Variants in FAR1 observed in about 807,000 individuals in gnomAD.
The protein encoded by FAR1 is male sterility domain-containing protein 2.
A neutral mutation model predicts 61.1 loss-of-function variants in FAR1; 22 were observed. That is an observed-to-expected ratio of 0.36 (90% CI 0.26 to 0.51). The LOEUF (loss-of-function observed/expected upper bound fraction) is 0.51. Ranked by LOEUF, FAR1 falls within the 20% of genes least tolerant of loss-of-function variation. FAR1 has a pLI of 0.95. For synonymous variants in FAR1, 206 were observed against 209.7 expected, an observed-to-expected ratio of 0.98 and a Z score of 0.15; for missense variants, 359 against 626.9, an observed-to-expected ratio of 0.57 and a Z score of 4.56.
At chr11:13,700,274 G>A in intron 2 of FAR1, 43 bp from the exon 3 acceptor site, 1 of 1,452,672 alleles carries the variant, frequency 6.9e-7, no homozygotes. Flanking sequence ...TTTAGAAAGT[G>A]GAAAAATACT....
chr11:13,684,403 A>G (rs1200637981), intron 1 of FAR1, among the ~76,000 whole-genome samples: 2 of 152,234 alleles, frequency 1.3e-5, no homozygotes, highest in African/African-American at 2.4e-5. Flanking sequence ...TCATTACCAT[A>G]GAAGTAAAGG....
intron 1 of FAR1, among the ~76,000 whole-genome samples, chr11:13,673,537 G>A (rs1460952494): frequency 1.3e-5 from 2 of 152,012 alleles, no homozygotes; most frequent in African/African-American, 4.8e-5. Flanking sequence ...TAGCACGGAG[G>A]ACTGATTTAT....
intron 2 of FAR1, among the ~76,000 whole-genome samples, chr11:13,697,289 C>A (rs1848318118): frequency 6.6e-6 from 1 of 151,890 alleles, no homozygotes; most frequent in Admixed American, 6.6e-5. Flanking sequence ...GGAGAAACCC[C>A]ATCTCTACTA....
At position 13,729,349 on chromosome 11, in the gene FAR1, T is replaced by A. The variant is rs571037437; in HGVS notation, c.*575T>A. ...ATGTTCTCATTTTTCTTTTTCTGAT[T>A]AAACGTCTGATGCATATCATTTTTC... On this transcript the variant is annotated 3_prime_UTR_variant, in exon 12 of 12. Coordinates refer to ENST00000354817, the MANE Select transcript of FAR1 (RefSeq NM_032228.6). The A allele has an allele frequency of 6.6e-6, 1 of 152,124 alleles. No individual in the cohort carries two copies. The highest frequency in any genetic ancestry group is 2.4e-5 in the African/African-American group (1 of 41,556). 9.4% of individuals were successfully genotyped at this position (152,124 alleles called of 1,614,324 possible).
chr11:13,700,447 T>C lies in FAR1; in HGVS notation c.320T>C (p.Ile107Thr), dbSNP rs1848359294. 1.9e-6 allele frequency: 3 copies of C among 1,584,290 alleles called. No individual in the cohort carries two copies. The highest frequency in any genetic ancestry group is 1.7e-6 in the Non-Finnish European group (2 of 1,169,470). The change falls in exon 3 of 12, where the codon ATT becomes ACT. Residue 107 changes from isoleucine to threonine, a missense_variant. This residue lies in a region of FAR1 where 344 missense variants were observed against 570.3 expected (regional missense o/e 0.60). Coordinates refer to ENST00000354817, the MANE Select transcript of FAR1 (RefSeq NM_032228.6). ...GAGGTGATCATAGATTCTACCAATA[T>C]TATATTCCACTGTGCAGCTACAGTA... ...DKEVIIDSTN[I>T]IFHCAATVRF...
chr11:13,682,470 A>G (rs1013479362), intron 1 of FAR1, among the ~76,000 whole-genome samples: 2 of 152,178 alleles, frequency 1.3e-5, no homozygotes, highest in Admixed American at 6.6e-5. Context: ...CTTTTCTGGT[A>G]CAGTGGCAGA....
At chr11:13,687,301 A>G (rs1209315603) in intron 1 of FAR1, among the ~76,000 whole-genome samples, 4 of 152,226 alleles carry the variant, frequency 2.6e-5, no homozygotes, top group African/African-American at 7.2e-5. Context: ...GCTAGGTGCT[A>G]TTTCCTAAAG....
chr11:13,695,157 C>CT (rs1399440102), intron 2 of FAR1, among the ~76,000 whole-genome samples: 1 of 152,074 alleles, frequency 6.6e-6, no homozygotes, highest in Non-Finnish European at 1.5e-5. Flanking sequence ...TCCTCTGTGA[C>CT]TGGCAAAATT....
Position 13,714,582 on chromosome 11 carries a change from C to T in FAR1, c.1029C>T (p.Thr343=). ...QAFRRPNVNL[T]SNHLLYHYWI... is the part of the protein sequence containing the mutation. ...TCAGACGGCCCAATGTAAATCTAAC[C>T]TCCAATCATCTTTTATATCATTACT... Residue 343 remains threonine, a synonymous_variant, in exon 9 of 12, where the codon ACC becomes ACT. Transcript: ENST00000354817. 1 of 1,613,514 alleles carries T rather than the reference C, an allele frequency of 6.2e-7. No homozygotes were observed. Among genetic ancestry groups the T allele is most frequent in the Non-Finnish European group, 8.5e-7 (1 of 1,179,678 alleles).
At chr11:13,693,782 T>A in intron 1 of FAR1, among the ~76,000 whole-genome samples, 1 of 152,154 alleles carries the variant, frequency 6.6e-6, no homozygotes, top group East Asian at 1.9e-4. Context: ...CTAGAAATTC[T>A]TCTGTTTCTT....
intron 10 of FAR1, among the ~76,000 whole-genome samples, chr11:13,725,266 G>T (rs886375384): frequency 3.3e-5 from 5 of 152,106 alleles, no homozygotes; most frequent in African/African-American, 1.2e-4. Context: ...CAAAGTGGTT[G>T]TATCAGTTTA....
At chr11:13,689,142 CCT>C (rs757257243) in intron 1 of FAR1, among the ~76,000 whole-genome samples, 1 of 152,078 alleles carries the variant, frequency 6.6e-6, no homozygotes, top group Non-Finnish European at 1.5e-5. Flanking sequence ...ACATATGATC[CCT>C]GTTTGTTTTT....
At chr11:13,676,872 C>G (rs2134167442) in intron 1 of FAR1, among the ~76,000 whole-genome samples, 1 of 152,270 alleles carries the variant, frequency 6.6e-6, no homozygotes, top group Non-Finnish European at 1.5e-5. Flanking sequence ...TAGGAAACAA[C>G]TTATTCCAAT....
chr11:13,709,377 T>C (rs1002192712), intron 4 of FAR1, among the ~76,000 whole-genome samples: 4 of 152,174 alleles, frequency 2.6e-5, no homozygotes, highest in African/African-American at 9.6e-5. Flanking sequence ...AACAGAAATA[T>C]TTAATATCTG....
chr11:13,725,410 T>C (rs549850321), intron 10 of FAR1, among the ~76,000 whole-genome samples: 14 of 150,900 alleles, frequency 9.3e-5, no homozygotes, highest in African/African-American at 2.4e-5. Context: ...TAGTATACAT[T>C]ACCTAGTACA....
chr11:13,711,974 T>C lies in FAR1; in HGVS notation c.815T>C (p.Leu272Pro). ...LRTIRASNNA[L>P]ADLVPVDVVV... ...ACAATACGTGCCTCCAACAATGCCC[T>C]TGCAGATCTTGTTCCTGTAGATGTA... is the stretch of plus-strand genomic sequence containing the variant. Residue 272 changes from leucine (L) to proline (P), a missense_variant, in exon 7 of 12, where the codon CTT becomes CCT. Physicochemically the swap from Leu to Pro is moderately conservative, Grantham distance 98. This residue lies in a region of FAR1 where 344 missense variants were observed against 570.3 expected (regional missense o/e 0.60). Transcript: ENST00000354817. 2 of 1,613,486 alleles carry C rather than the reference T, an allele frequency of 1.2e-6. No homozygotes were observed.
At chr11:13,679,481 T>C (rs1295619089) in intron 1 of FAR1, among the ~76,000 whole-genome samples, 1 of 152,202 alleles carries the variant, frequency 6.6e-6, no homozygotes, top group African/African-American at 2.4e-5. Context: ...TACTTTTTTG[T>C]TATTTTGGGT....
intron 1 of FAR1, among the ~76,000 whole-genome samples, chr11:13,682,112 C>A (rs1271289941): frequency 2.6e-5 from 4 of 152,162 alleles, no homozygotes; most frequent in Non-Finnish European, 5.9e-5. Flanking sequence ...GTCATGTCAT[C>A]CTTTTGCATT....
At chr11:13,724,753 T>A (rs1414568242) in intron 10 of FAR1, among the ~76,000 whole-genome samples, 1 of 152,194 alleles carries the variant, frequency 6.6e-6, no homozygotes, top group Non-Finnish European at 1.5e-5. Context: ...TACTTTCTGT[T>A]TTTTCATACT....
Sources: allele counts gnomAD v4.1 joint callset (sites outside exome capture counted in the v4.1 genomes callset), GRCh38; gene constraint gnomAD v4.1.1; regional missense constraint gnomAD v4.1.1; transcripts MANE v1.5; gene names NCBI Gene and HGNC (gene_info 2026-07-23, HGNC 2026-07-21).